Variants in NWD2 observed in about 807,000 individuals in gnomAD.
NWD2 encodes the protein NACHT and WD repeat domain-containing protein 2.
NWD2 carries 37 observed loss-of-function variants against 132.7 expected under a neutral mutation model. The observed-to-expected ratio is 0.28, with a 90% confidence interval of 0.21 to 0.37. The LOEUF is 0.37. Among genes scored for constraint, NWD2 ranks in the 10% least tolerant of loss-of-function variants. The pLI, the probability that NWD2 is intolerant of heterozygous loss-of-function variation, is 1.00. For missense variants in NWD2, 1,592 were observed against 2,122.4 expected, an observed-to-expected ratio of 0.75 and a Z score of 4.91; for synonymous variants, 705 against 803.0, an observed-to-expected ratio of 0.88 and a Z score of 2.06.
chr4:37,406,907 A>G (rs1306457964), intron 3 of NWD2, among the ~76,000 whole-genome samples: 2 of 152,204 alleles, frequency 1.3e-5, no homozygotes, highest in Admixed American at 6.5e-5. Context: ...AAAGAAAAAA[A>G]GAAAAAATGA....
chr4:37,260,866 C>A (rs1717622403), intron 1 of NWD2, among the ~76,000 whole-genome samples: 1 of 152,114 alleles, frequency 6.6e-6, no homozygotes, highest in South Asian at 2.1e-4. Context: ...GTAATAGAAT[C>A]CATTATGTAG....
chr4:37,312,975 A>T (rs1237283194), intron 1 of NWD2, among the ~76,000 whole-genome samples: 2 of 151,100 alleles, frequency 1.3e-5, no homozygotes. Flanking sequence ...CCAGGGATGA[A>T]GCCCACTTGA....
rs540304290 is a variant in NWD2, at chr4:37,256,787, A to G, written c.151+11569A>G. ...AGCTCTCTCTCTCCTCTAAGAAGCT[A>G]CCATTTGGAGGTTTTACCCAAAAAA... On this transcript the variant is annotated intron_variant, in intron 1 of 6. Coordinates refer to ENST00000309447, the MANE Select transcript of NWD2 (RefSeq NM_001144990.2). Among the ~76,000 whole-genome samples the G allele has an allele frequency of 3.3e-5, 5 of 152,354 alleles. No individual in the cohort carries two copies. The South Asian group carries it at 6.2e-4, about 19-fold the overall frequency.
Position 37,444,458 on chromosome 4 carries a change from C to G in NWD2, c.2470C>G (p.Pro824Ala), listed in dbSNP as rs1049041916. 6.4e-7 allele frequency: 1 copy of G among 1,551,912 alleles called. No individual in the cohort carries two copies. The highest frequency in any genetic ancestry group is 8.7e-7 in the Non-Finnish European group (1 of 1,147,050). The part of the protein sequence containing the change: ...PWVFQCNPLE[P>A]DIFFVNHRKM... ...GGTTTTCCAGTGTAATCCCCTGGAA[C>G]CTGACATCTTTTTCGTTAATCATCG... Residue 824 changes from proline to alanine, a missense_variant, in exon 7 of 7, where the codon CCT becomes GCT. This residue lies in a region of NWD2 where 1,071 missense variants were observed against 1,398.0 expected (regional missense o/e 0.77). Coordinates refer to ENST00000309447, the MANE Select transcript of NWD2 (RefSeq NM_001144990.2). The surrounding 1 kb of genome is among the most constrained non-coding windows in gnomAD (Gnocchi z 4.8).
intron 3 of NWD2, among the ~76,000 whole-genome samples, chr4:37,403,120 G>A (rs923362834): frequency 1.3e-5 from 2 of 152,122 alleles, no homozygotes; most frequent in African/African-American, 4.8e-5. Context: ...GCCACTCTCA[G>A]GAACTACCCT....
chr4:37,446,973 G>A lies in NWD2; in HGVS notation c.4985G>A (p.Ser1662Asn). The A allele has an allele frequency of 6.4e-7, 1 of 1,551,668 alleles. No individual in the cohort carries two copies. Among genetic ancestry groups the A allele is most frequent in the South Asian group, 1.2e-5 (1 of 84,058 alleles). The part of the protein sequence containing the change: ...ALKIKIATSN[S>N]RQIFNNATHT... ...AAAATCAAAATTGCCACTTCAAATA[G>A]CAGACAAATTTTCAACAATGCAACA... Residue 1662 changes from serine to asparagine, a missense_variant, in exon 7 of 7, where the codon AGC becomes AAC. Physicochemically the swap from Ser to Asn is conservative, Grantham distance 46. Around this residue, in one of 7 missense-constraint regions of NWD2, gnomAD observed 257 missense variants for 335.0 expected, o/e 0.77. Coordinates refer to ENST00000309447, the MANE Select transcript of NWD2 (RefSeq NM_001144990.2). This position sits in a 1 kb window ranked among gnomAD's most constrained non-coding sequence, Gnocchi z 6.7.
chr4:37,250,192 T>C (rs879747252), intron 1 of NWD2, among the ~76,000 whole-genome samples: 1 of 147,192 alleles, frequency 6.8e-6, no homozygotes, highest in Non-Finnish European at 1.5e-5. Flanking sequence ...ACACAGCCAT[T>C]TGGATACAAG....
Position 37,249,835 on chromosome 4 carries a change from G to A in NWD2, c.151+4617G>A, listed in dbSNP as rs114446189. ...GGTTTTCTTTTGTCTGCATGGCTTT[G>A]CATCTTCCCAGACTCTTCATGCCTT... On this transcript the variant is annotated intron_variant, in intron 1 of 6. Coordinates refer to ENST00000309447, the MANE Select transcript of NWD2 (RefSeq NM_001144990.2). 4.5e-3 allele frequency among the ~76,000 whole-genome samples: 683 copies of A among 152,198 alleles called. 5 individuals carry two copies. Among genetic ancestry groups the A allele is most frequent in the Non-Finnish European group, 6.8e-3 (463 of 68,018 alleles).
intron 1 of NWD2, among the ~76,000 whole-genome samples, chr4:37,251,242 G>A (rs1717353884): frequency 1.3e-5 from 2 of 152,184 alleles, no homozygotes; most frequent in South Asian, 2.1e-4. Flanking sequence ...TCACACCACT[G>A]CACTCCAGCC....
chr4:37,380,010 C>G (rs574335157), intron 3 of NWD2, among the ~76,000 whole-genome samples: 2 of 152,382 alleles, frequency 1.3e-5, no homozygotes, highest in African/African-American at 4.8e-5. Context: ...GGCTCCGCCA[C>G]TTGTTCTATG....
chr4:37,287,177 A>T (rs1451560349), intron 1 of NWD2, among the ~76,000 whole-genome samples: 2 of 152,144 alleles, frequency 1.3e-5, no homozygotes, highest in Non-Finnish European at 2.9e-5. Context: ...CGAAGATCCC[A>T]CTCAAACCCA....
At chr4:37,442,756 T>A (rs1163615772) in intron 6 of NWD2, among the ~76,000 whole-genome samples, 1 of 152,210 alleles carries the variant, frequency 6.6e-6, no homozygotes, top group Non-Finnish European at 1.5e-5. Flanking sequence ...ATTTCAGTAC[T>A]GAATATTTTT....
At chr4:37,343,082 G>A (rs758957755) in intron 2 of NWD2, among the ~76,000 whole-genome samples, 18 of 152,138 alleles carry the variant, frequency 1.2e-4, no homozygotes, top group Non-Finnish European at 2.2e-4. Flanking sequence ...TGCATCTGGG[G>A]CAAGTCGTTC....
chr4:37,323,701 G>A (rs924652763), intron 1 of NWD2, among the ~76,000 whole-genome samples: 2 of 152,124 alleles, frequency 1.3e-5, no homozygotes, highest in African/African-American at 4.8e-5. Context: ...TATACCCAAA[G>A]AGAAATAGAT....
At chr4:37,303,514 A>G (rs1718647398) in intron 1 of NWD2, among the ~76,000 whole-genome samples, 1 of 152,108 alleles carries the variant, frequency 6.6e-6, no homozygotes, top group South Asian at 2.1e-4. Flanking sequence ...ATTTTGATAG[A>G]GATTACATTG....
In NWD2 at chr4:37,412,083, G is replaced by T. The variant is rs527397858; in HGVS notation, c.358-18489G>T. 3.9e-5 allele frequency among the ~76,000 whole-genome samples: 6 copies of T among 152,250 alleles called. No individual in the cohort carries two copies. The South Asian group carries it at 1.2e-3, about 32-fold the overall frequency. On this transcript the variant is annotated intron_variant, in intron 3 of 6. Transcript: ENST00000309447. ...CCTTTGAAAATGGGCACAAGACAAGGATGCCCTCTCTCATCACTCCTATTC... is the reference window on the plus strand; with the variant it reads ...CCTTTGAAAATGGGCACAAGACAAGTATGCCCTCTCTCATCACTCCTATTC...
intron 2 of NWD2, among the ~76,000 whole-genome samples, chr4:37,335,300 C>CTG (rs1427452384): frequency 1.6e-5 from 1 of 62,326 alleles, no homozygotes; most frequent in Non-Finnish European, 3.0e-5. Context: ...GGGGGGTGGG[C>CTG]GGGGGGGGGG....
chr4:37,305,753 T>C (rs1577661933), intron 1 of NWD2, among the ~76,000 whole-genome samples: 1 of 152,340 alleles, frequency 6.6e-6, no homozygotes, highest in South Asian at 2.1e-4. Flanking sequence ...ATTTTGCATC[T>C]GTGTTCATCA....
intron 1 of NWD2, among the ~76,000 whole-genome samples, chr4:37,288,322 G>A (rs967714119): frequency 1.4e-4 from 22 of 152,188 alleles, no homozygotes; most frequent in Non-Finnish European, 2.5e-4. Context: ...TTTCTAGTGC[G>A]AAATATTTTA....
Sources: allele counts gnomAD v4.1 joint callset (sites outside exome capture counted in the v4.1 genomes callset), GRCh38; gene constraint gnomAD v4.1.1; regional missense constraint gnomAD v4.1.1; non-coding constraint Gnocchi (gnomAD v3.1); transcripts MANE v1.5; gene names NCBI Gene and HGNC (gene_info 2026-07-23, HGNC 2026-07-21).